LRRC69: variants seen among roughly 807,000 people sequenced by gnomAD.
The protein encoded by LRRC69 is leucine-rich repeat-containing protein 69.
LRRC69 carries 42 observed loss-of-function variants against 37.8 expected under a neutral mutation model. The observed-to-expected ratio is 1.11, with a 90% CI of 0.87 to 1.44. The LOEUF (loss-of-function observed/expected upper bound fraction) is 1.44. LRRC69 is among the 40% of genes most tolerant of loss of function. LRRC69 has a pLI of 0.00. For missense variants in LRRC69, 357 were observed against 401.9 expected (o/e 0.89, Z 0.96); for synonymous variants, 141 against 143.1 (o/e 0.99, Z 0.11).
At chr8:91,110,268 G>C (rs1195495619) in intron 1 of LRRC69, among the ~76,000 whole-genome samples, 1 of 151,932 alleles carries the variant, frequency 6.6e-6, no homozygotes, top group Non-Finnish European at 1.5e-5. Context: ...ATTCCAAAAT[G>C]GTATAACCAT....
At chr8:91,174,260 A>G (rs995658290) in intron 5 of LRRC69, among the ~76,000 whole-genome samples, 1 of 152,174 alleles carries the variant, frequency 6.6e-6, no homozygotes, top group African/African-American at 2.4e-5. Context: ...TTAAGTACAG[A>G]TAAAGTTATA....
chr8:91,161,153 T>A (rs1358118759), intron 5 of LRRC69, among the ~76,000 whole-genome samples: 1 of 151,436 alleles, frequency 6.6e-6, no homozygotes, highest in African/African-American at 2.4e-5. Context: ...ATCCACTTGA[T>A]CATGGTGTGT....
chr8:91,106,214 C>T (rs1272267372), intron 1 of LRRC69, among the ~76,000 whole-genome samples: 1 of 151,956 alleles, frequency 6.6e-6, no homozygotes, highest in East Asian at 1.9e-4. Context: ...TATAGTCATA[C>T]CGTTTATCAG....
At chr8:91,160,699 A>G (rs1428894807) in intron 5 of LRRC69, among the ~76,000 whole-genome samples, 2 of 151,220 alleles carry the variant, frequency 1.3e-5, no homozygotes, top group East Asian at 2.0e-4. Context: ...GCCATGCCTC[A>G]TGTACAGCCT....
intron 1 of LRRC69, among the ~76,000 whole-genome samples, chr8:91,124,245 T>G (rs572750708): frequency 6.6e-6 from 1 of 152,160 alleles, no homozygotes; most frequent in South Asian, 2.1e-4. Flanking sequence ...TGGTTAGTAA[T>G]ATAATTTTAA....
At chr8:91,111,304 G>A (rs1813406808) in intron 1 of LRRC69, among the ~76,000 whole-genome samples, 1 of 152,062 alleles carries the variant, frequency 6.6e-6, no homozygotes, top group Non-Finnish European at 1.5e-5. Flanking sequence ...GGAGTCCAAG[G>A]TGGGTGGATC....
intron 7 of LRRC69, among the ~76,000 whole-genome samples, chr8:91,208,989 A>G (rs1188620853): frequency 6.6e-6 from 1 of 152,160 alleles, no homozygotes; most frequent in Non-Finnish European, 1.5e-5. Flanking sequence ...TTACTCTAAT[A>G]TGGGCTCAAG....
chr8:91,134,827 A>G (rs1813880283), intron 4 of LRRC69, among the ~76,000 whole-genome samples: 1 of 152,026 alleles, frequency 6.6e-6, no homozygotes, highest in South Asian at 2.1e-4. Flanking sequence ...AATTTTCCAT[A>G]TATCACTGTT....
intron 5 of LRRC69, among the ~76,000 whole-genome samples, chr8:91,140,173 A>G (rs1808508319): frequency 6.6e-6 from 1 of 151,862 alleles, no homozygotes; most frequent in South Asian, 2.1e-4. Context: ...AAGATCAGCG[A>G]GAGAAAGCAA....
chr8:91,136,857 CATT>C (rs1261487633), intron 5 of LRRC69, among the ~76,000 whole-genome samples: 2 of 152,010 alleles, frequency 1.3e-5, no homozygotes, highest in Non-Finnish European at 2.9e-5. Context: ...ATATGACTAA[CATT>C]AATTTATCTT....
intron 6 of LRRC69, among the ~76,000 whole-genome samples, chr8:91,197,009 G>A (rs892382613): frequency 6.6e-6 from 1 of 151,360 alleles, no homozygotes; most frequent in African/African-American, 2.4e-5. Context: ...GTGATGTACA[G>A]ATGGGTTTTT....
chr8:91,102,649 C>G, upstream of LRRC69: 1 of 1,541,952 alleles, frequency 6.5e-7, no homozygotes, highest in Non-Finnish European at 8.8e-7. Flanking sequence ...TTTTCTACTT[C>G]TTTTCCAAGA....
chr8:91,145,370 C>G (rs1171673349), intron 5 of LRRC69, among the ~76,000 whole-genome samples: 1 of 151,882 alleles, frequency 6.6e-6, no homozygotes. Flanking sequence ...AGTTGGCTGC[C>G]TCATCCCCAT....
At chr8:91,187,931 G>A (rs1809431320) in intron 5 of LRRC69, among the ~76,000 whole-genome samples, 1 of 152,070 alleles carries the variant, frequency 6.6e-6, no homozygotes, top group Non-Finnish European at 1.5e-5. Flanking sequence ...TCTCTGTATT[G>A]GTTTTTTCTT....
intron 7 of LRRC69, among the ~76,000 whole-genome samples, chr8:91,215,110 G>A (rs1343913555): frequency 6.6e-6 from 1 of 152,016 alleles, no homozygotes; most frequent in Non-Finnish European, 1.5e-5. Flanking sequence ...GTAGTCCAGG[G>A]TAACTTCCTT....
At chr8:91,127,125 C>G in exon 3 of LRRC69, 3 of 1,548,502 alleles carry the variant, frequency 1.9e-6, no homozygotes, top group Non-Finnish European at 2.6e-6. Context: ...ATCTGAACAA[C>G]AATCATCTTA....
At position 91,110,556 on chromosome 8, in the gene LRRC69, T is replaced by G. The variant is rs563078793; in HGVS notation, c.183+7712T>G. On this transcript the variant is annotated intron_variant, in intron 1 of 7. Transcript: ENST00000448384. ...TGGGAGGCTGAGGCAAGAGAATCACTTGAACCTGGGAGGTGGAGGTTGCAG... is the reference window on the plus strand; with the variant it reads ...TGGGAGGCTGAGGCAAGAGAATCACGTGAACCTGGGAGGTGGAGGTTGCAG... Among the ~76,000 whole-genome samples the G allele has an allele frequency of 5.9e-5, 9 of 152,012 alleles. No individual in the cohort carries two copies. The South Asian group carries it at 1.9e-3, about 32-fold the overall frequency.
chr8:91,196,681 G>A (rs1420482651), intron 6 of LRRC69, among the ~76,000 whole-genome samples: 4 of 151,806 alleles, frequency 2.6e-5, no homozygotes, highest in East Asian at 3.9e-4. Context: ...CTCGAGCCTT[G>A]GTTTTCAGCT....
intron 1 of LRRC69, among the ~76,000 whole-genome samples, chr8:91,103,579 A>G (rs1363897583): frequency 2.6e-5 from 4 of 152,172 alleles, no homozygotes; most frequent in African/African-American, 9.6e-5. Context: ...TCATCAGCAC[A>G]GGAAGAACCT....
Sources: allele counts gnomAD v4.1 joint callset (sites outside exome capture counted in the v4.1 genomes callset), GRCh38; gene constraint gnomAD v4.1.1; transcripts MANE v1.5; gene names NCBI Gene and HGNC (gene_info 2026-07-23, HGNC 2026-07-21).